The following JAK2 variants were observed in gnomAD, a reference collection of about 807,000 sequenced individuals.
JAK2 encodes the protein tyrosine-protein kinase JAK2.
A neutral mutation model predicts 139.3 loss-of-function variants in JAK2; 86 were observed. That is an observed-to-expected ratio of 0.62 (90% CI 0.52 to 0.74). The LOEUF is 0.74. Ranked by LOEUF, JAK2 falls within the 30% of genes least tolerant of loss-of-function variation. The pLI is 0.00. For synonymous variants in JAK2, 490 were observed against 437.7 expected, an observed-to-expected ratio of 1.12 and a Z score of -1.49; for missense variants, 1,421 against 1,360.3, an observed-to-expected ratio of 1.04 and a Z score of -0.70.
At chr9:5,101,368 A>G (rs1480620508) in intron 22 of JAK2, among the ~76,000 whole-genome samples, 1 of 152,228 alleles carries the variant, frequency 6.6e-6, no homozygotes, top group African/African-American at 2.4e-5. Context: ...TAGGTAAACA[A>G]AGTGGCCAGG....
At chr9:5,079,568 A>G (rs1819538819) in intron 16 of JAK2, among the ~76,000 whole-genome samples, 1 of 152,030 alleles carries the variant, frequency 6.6e-6, no homozygotes, top group Admixed American at 6.5e-5. Flanking sequence ...GAATGATGTA[A>G]CATTACCTTT....
At chr9:4,990,418 A>T (rs536593708) in intron 2 of JAK2, among the ~76,000 whole-genome samples, 1 of 152,314 alleles carries the variant, frequency 6.6e-6, no homozygotes, top group African/African-American at 2.4e-5. Flanking sequence ...AGTTGAGCGT[A>T]TATTGTGGAT....
chr9:5,126,157 G>A (rs1823979868), intron 23 of JAK2, 176 bp from the exon 24 acceptor site: 1 of 504,090 alleles, frequency 2.0e-6, no homozygotes, highest in East Asian at 3.3e-5. Context: ...AATTATAGAA[G>A]TTCCATATTT....
At chr9:5,112,752 A>G in intron 22 of JAK2, 1 of 671,346 alleles carries the variant, frequency 1.5e-6, no homozygotes, top group Non-Finnish European at 2.3e-6. Context: ...AAACGGCGAG[A>G]AGAGAAGGTG....
chr9:5,072,269 GC>G (rs750487632), intron 12 of JAK2, among the ~76,000 whole-genome samples: 1 of 152,120 alleles, frequency 6.6e-6, no homozygotes, highest in South Asian at 2.1e-4. Context: ...ACCGAGTAGA[GC>G]CAAAATACAC....
chr9:5,048,006 G>T (rs1817137337), intron 5 of JAK2, among the ~76,000 whole-genome samples: 1 of 152,106 alleles, frequency 6.6e-6, no homozygotes, highest in South Asian at 2.1e-4. Flanking sequence ...TCTTCCATTT[G>T]TAACTTTTCT....
At chr9:5,060,145 C>T (rs1376201486) in intron 8 of JAK2, among the ~76,000 whole-genome samples, 1 of 152,192 alleles carries the variant, frequency 6.6e-6, no homozygotes, top group African/African-American at 2.4e-5. Context: ...ATTTAAAACA[C>T]TTTATTGCTA....
At chr9:5,027,070 T>C (rs1822828511) in intron 3 of JAK2, among the ~76,000 whole-genome samples, 1 of 152,226 alleles carries the variant, frequency 6.6e-6, no homozygotes. Flanking sequence ...GCATGGATTT[T>C]TATTATACCT....
chr9:5,015,321 A>G (rs1426894950), intron 2 of JAK2, among the ~76,000 whole-genome samples: 3 of 152,236 alleles, frequency 2.0e-5, no homozygotes. Flanking sequence ...TGGTCTCTAG[A>G]GGATGCCTGG....
rs145480341 is a variant in JAK2, at chr9:5,065,354, C to A, written c.1214+314C>A. Among the ~76,000 whole-genome samples the A allele has an allele frequency of 7.0e-3, 1,070 of 152,248 alleles. 10 individuals carry two copies. The highest frequency in any genetic ancestry group is 0.025 in the African/African-American group (1,025 of 41,546). On this transcript the variant is annotated intron_variant, in intron 9 of 24. Coordinates refer to ENST00000381652, the MANE Select transcript of JAK2 (RefSeq NM_004972.4). ...TTTATGTTTTATTAATTTTAAAATA[C>A]TGCAAGGAAGCCACAGTGCAAAATT...
intron 5 of JAK2, among the ~76,000 whole-genome samples, chr9:5,047,402 T>G (rs534042360): frequency 1.5e-4 from 23 of 152,326 alleles, no homozygotes; most frequent in Admixed American, 2.6e-4. Flanking sequence ...CCTTTTAAAT[T>G]CAGTTTCCTC....
At chr9:5,000,613 G>C (rs1820871392) in intron 2 of JAK2, among the ~76,000 whole-genome samples, 1 of 151,982 alleles carries the variant, frequency 6.6e-6, no homozygotes, top group African/African-American at 2.4e-5. Context: ...TAAACTTTTT[G>C]AGCTTATGTT....
intron 2 of JAK2, among the ~76,000 whole-genome samples, chr9:5,006,410 T>C (rs1175348982): frequency 6.6e-6 from 1 of 152,218 alleles, no homozygotes; most frequent in East Asian, 1.9e-4. Flanking sequence ...TGGGGTTTTC[T>C]AGATATACAA....
intron 10 of JAK2, among the ~76,000 whole-genome samples, chr9:5,067,855 A>T (rs1818673688): frequency 6.6e-6 from 1 of 152,122 alleles, no homozygotes; most frequent in Non-Finnish European, 1.5e-5. Flanking sequence ...ACAGGTTTAC[A>T]ATTATTAAGA....
chr9:5,056,569 G>A (rs1452172016), intron 8 of JAK2, among the ~76,000 whole-genome samples: 1 of 152,044 alleles, frequency 6.6e-6, no homozygotes, highest in African/African-American at 2.4e-5. Context: ...AAATATGATA[G>A]TACACCTACT....
intron 2 of JAK2, among the ~76,000 whole-genome samples, chr9:4,996,178 G>T (rs1347644563): frequency 6.6e-6 from 1 of 152,158 alleles, no homozygotes; most frequent in Non-Finnish European, 1.5e-5. Context: ...ATTTTAGAGG[G>T]TCAAATTTAG....
At chr9:5,044,306 A>T (rs1816838354) in intron 4 of JAK2, 97 bp from the exon 5 acceptor site, 1 of 761,778 alleles carries the variant, frequency 1.3e-6, no homozygotes, top group Non-Finnish European at 2.3e-6. Context: ...TAAGTATGGG[A>T]TAATACCTTT....
chr9:5,074,759 A>G (rs1819199716), intron 14 of JAK2, among the ~76,000 whole-genome samples: 1 of 152,242 alleles, frequency 6.6e-6, no homozygotes, highest in African/African-American at 2.4e-5. Flanking sequence ...GGAAAGCTAG[A>G]AATGAAGCAG....
intron 8 of JAK2, among the ~76,000 whole-genome samples, chr9:5,056,339 A>G (rs1224010310): frequency 6.6e-6 from 1 of 152,056 alleles, no homozygotes; most frequent in Non-Finnish European, 1.5e-5. Flanking sequence ...GAATTATTTT[A>G]TACTTTGCTC....
Sources: allele counts gnomAD v4.1 joint callset (sites outside exome capture counted in the v4.1 genomes callset), GRCh38; gene constraint gnomAD v4.1.1; transcripts MANE v1.5; gene names NCBI Gene and HGNC (gene_info 2026-07-23, HGNC 2026-07-21).